ANKRD42: variants seen among roughly 807,000 people sequenced by gnomAD.
ANKRD42 encodes the protein ankyrin repeat domain-containing protein 42.
Under a neutral mutation model 51.5 loss-of-function variants are expected in ANKRD42, and 43 were observed. The observed-to-expected ratio is 0.83, with a 90% CI of 0.65 to 1.08. The LOEUF is 1.08. Among genes scored for constraint, ANKRD42 ranks in the 50% least tolerant of loss-of-function variants. The pLI is 0.00. For missense variants in ANKRD42, 608 were observed against 629.3 expected, an observed-to-expected ratio of 0.97 and a Z score of 0.36; for synonymous variants, 203 against 213.0, an observed-to-expected ratio of 0.95 and a Z score of 0.41.
intron 5 of ANKRD42, among the ~76,000 whole-genome samples, chr11:83,219,495 G>A (rs1590985062): frequency 6.6e-6 from 1 of 152,194 alleles, no homozygotes; most frequent in Non-Finnish European, 1.5e-5. Context: ...AAGTTTAAAG[G>A]GGGTGGTGGA....
Position 83,243,987 on chromosome 11 carries a change from T to A in ANKRD42, c.1196-1511T>A, listed in dbSNP as rs1311339009. 1.5e-5 allele frequency among the ~76,000 whole-genome samples: 2 copies of A among 131,740 alleles called. 1 individual carries two copies. Among genetic ancestry groups the A allele is most frequent in the African/African-American group, 6.1e-5 (2 of 32,884 alleles). The allele number at this position is 131,740 out of a possible 152,430, so 86.4% of individuals were successfully genotyped here. A position where few individuals can be genotyped will look rare whatever the true frequency, so the allele number is the denominator to read the frequency against. On this transcript the variant is annotated intron_variant, in intron 9 of 10. Coordinates refer to ENST00000533342, the MANE Select transcript of ANKRD42 (RefSeq NM_001300975.2). ...CTGCCCTTTTTTTTTTTTTTTTTTT[T>A]TTTTTTTTTATTGAGACAAAGTCTC...
intron 3 of ANKRD42, among the ~76,000 whole-genome samples, chr11:83,206,434 T>G (rs1862078079): frequency 6.6e-6 from 1 of 152,208 alleles, no homozygotes; most frequent in African/African-American, 2.4e-5. Flanking sequence ...TTTTATAGCT[T>G]GCTGCTGTGG....
At chr11:83,220,393 C>T (rs1190661774) in intron 5 of ANKRD42, among the ~76,000 whole-genome samples, 1 of 152,086 alleles carries the variant, frequency 6.6e-6, no homozygotes, top group Non-Finnish European at 1.5e-5. Context: ...TGAAAGAGGT[C>T]CGATTGTATT....
At position 83,225,576 on chromosome 11, in the gene ANKRD42, A is replaced by G. The variant is rs573164930; in HGVS notation, c.787+521A>G. On this transcript the variant is annotated intron_variant, in intron 6 of 10. Coordinates refer to ENST00000533342, the MANE Select transcript of ANKRD42 (RefSeq NM_001300975.2). ...TGAGACCCTGTCTCAAAAAAAAAAA[A>G]AGAAAAAGATTAACATAATGAGCAG... Among the ~76,000 whole-genome samples the G allele has an allele frequency of 1.7e-3, 252 of 151,586 alleles. 3 individuals carry two copies. The highest frequency in any genetic ancestry group is 5.3e-3 in the African/African-American group (221 of 41,352).
intron 3 of ANKRD42, among the ~76,000 whole-genome samples, chr11:83,206,885 A>G (rs1294219560): frequency 6.6e-6 from 1 of 152,202 alleles, no homozygotes; most frequent in Non-Finnish European, 1.5e-5. Context: ...TTATTAGAGT[A>G]ATTAATTTAT....
rs562387090 is a variant in ANKRD42, at chr11:83,226,293, T to C, written c.787+1238T>C. 2.0e-5 allele frequency among the ~76,000 whole-genome samples: 3 copies of C among 152,214 alleles called. No homozygotes were observed. The South Asian group carries it at 6.2e-4, about 32-fold the overall frequency. ...CTGATCCCTAGCATATAGGTGATGC[T>C]TAATAAAATGTCTTTAATGATAGTA... On this transcript the variant is annotated intron_variant, in intron 6 of 10. Transcript: ENST00000533342.
At position 83,218,590 on chromosome 11, in the gene ANKRD42, G is replaced by A. The variant is rs76812195; in HGVS notation, c.587-6265G>A. 6.3e-3 allele frequency among the ~76,000 whole-genome samples: 957 copies of A among 152,300 alleles called. 9 individuals carry two copies. The highest frequency in any genetic ancestry group is 0.022 in the African/African-American group (910 of 41,562). ...TTTTAAATCTGAGAGTGAGAAGGGG[G>A]CATGCAAGTAAATGGGCCCAAATTC... On this transcript the variant is annotated intron_variant, in intron 5 of 10. Transcript: ENST00000533342.
rs1261448983 is a variant in ANKRD42, at chr11:83,193,812, C to T, written c.-859C>T. On this transcript the variant is annotated 5_prime_UTR_variant, in exon 1 of 11. Transcript: ENST00000533342. ...AGAAAGTACCAGCGGAAGGCGGCCG[C>T]CGCTACGGCGATTCGCAGGGAGTAG... 4 of 455,302 alleles carry T rather than the reference C, an allele frequency of 8.8e-6. No homozygotes were observed. Among genetic ancestry groups the T allele is most frequent in the South Asian group, 6.2e-5 (4 of 64,488 alleles). 28.2% of individuals were successfully genotyped at this position (455,302 alleles called of 1,614,324 possible).
intron 9 of ANKRD42, among the ~76,000 whole-genome samples, chr11:83,244,568 C>T (rs1045604756): frequency 6.6e-6 from 1 of 152,146 alleles, no homozygotes; most frequent in African/African-American, 2.4e-5. Flanking sequence ...TTAGTAGCAT[C>T]CTGAGCCTTC....
In ANKRD42 at chr11:83,210,369, G is replaced by A. The variant is rs769088210; in HGVS notation, c.400G>A (p.Ala134Thr). Residue 134 changes from alanine to threonine, a missense_variant, in exon 4 of 11, where the codon GCA becomes ACA. By Grantham distance (58) the Ala-to-Thr change is moderately conservative. Coordinates refer to ENST00000533342, the MANE Select transcript of ANKRD42 (RefSeq NM_001300975.2). ...GGGATGCACTCCTTTACATCTTGCT[G>A]CAACTCATGGACATTCTTTCACTTT... ...DRGCTPLHLA[A>T]THGHSFTLQI... 3.7e-6 allele frequency: 6 copies of A among 1,613,998 alleles called. No homozygotes were observed. Among genetic ancestry groups the A allele is most frequent in the East Asian group, 2.2e-5 (1 of 44,850 alleles).
At chr11:83,263,745 G>A (rs527978037), downstream of ANKRD42, among the ~76,000 whole-genome samples, 1 of 152,314 alleles carries the variant, frequency 6.6e-6, no homozygotes, top group Non-Finnish European at 1.5e-5. Context: ...TAAGAGTCTA[G>A]GTGGTAATGT....
chr11:83,254,743 G>T (rs1256996075), intron 11 of ANKRD42, among the ~76,000 whole-genome samples: 1 of 152,158 alleles, frequency 6.6e-6, no homozygotes, highest in Non-Finnish European at 1.5e-5. Flanking sequence ...TACTGGTAAT[G>T]CTACTTACTA....
At chr11:83,205,474 T>C (rs1233864235) in intron 2 of ANKRD42, among the ~76,000 whole-genome samples, 4 of 152,230 alleles carry the variant, frequency 2.6e-5, no homozygotes, top group Admixed American at 1.3e-4. Context: ...CTTGAACATA[T>C]AAAGACAGTA....
downstream of ANKRD42, chr11:83,259,155 C>A (rs1863828074): frequency 6.6e-6 from 1 of 152,108 alleles, no homozygotes; most frequent in Non-Finnish European, 1.5e-5. Flanking sequence ...TGTCTAGAGG[C>A]CTTCTGAGAA....
intron 2 of ANKRD42, among the ~76,000 whole-genome samples, chr11:83,205,074 G>A (rs1862017550): frequency 6.6e-6 from 1 of 152,198 alleles, no homozygotes; most frequent in Admixed American, 6.5e-5. Context: ...ATGTAGAGAG[G>A]TACAGCCACG....
intron 3 of ANKRD42, among the ~76,000 whole-genome samples, chr11:83,207,470 G>A (rs569189597): frequency 6.6e-6 from 1 of 152,334 alleles, no homozygotes; most frequent in African/African-American, 2.4e-5. Context: ...TTAGGAGGAG[G>A]TAGAGGGATC....
intron 6 of ANKRD42, 30 bp from the exon 7 acceptor site, chr11:83,227,717 T>G (rs1309865221): frequency 1.3e-6 from 2 of 1,591,174 alleles, no homozygotes; most frequent in African/African-American, 2.7e-5. Context: ...CTCTTATGTT[T>G]ATTGAAATGC....
chr11:83,221,670 A>G (rs746454420), intron 5 of ANKRD42, among the ~76,000 whole-genome samples: 58 of 152,190 alleles, frequency 3.8e-4, no homozygotes, highest in Admixed American at 3.5e-3. Flanking sequence ...AGTGTAGCTC[A>G]TTCCAAATTG....
downstream of ANKRD42, among the ~76,000 whole-genome samples, chr11:83,256,369 T>C (rs1863774919): frequency 6.6e-6 from 1 of 152,198 alleles, no homozygotes; most frequent in Admixed American, 6.5e-5. Context: ...TTTTTTCAAA[T>C]GGCGTAACTG....
Sources: allele counts gnomAD v4.1 joint callset (sites outside exome capture counted in the v4.1 genomes callset), GRCh38; gene constraint gnomAD v4.1.1; transcripts MANE v1.5; gene names NCBI Gene and HGNC (gene_info 2026-07-23, HGNC 2026-07-21).